The following RNF175 variants were observed in gnomAD, a reference collection of about 807,000 sequenced individuals.
RNF175 encodes ring finger protein 175.
Under a neutral mutation model 50.0 loss-of-function variants are expected in RNF175, and 38 were observed. The ratio of observed to expected loss-of-function variants is 0.76; its 90% CI spans 0.59 to 1.00. The LOEUF (loss-of-function observed/expected upper bound fraction) is 1.00. Ranked by LOEUF, RNF175 falls within the 50% of genes least tolerant of loss-of-function variation. The pLI is 0.00. For synonymous variants in RNF175, 155 were observed against 146.1 expected, an observed-to-expected ratio of 1.06 and a Z score of -0.44; for missense variants, 388 against 409.6, an observed-to-expected ratio of 0.95 and a Z score of 0.46.
chr4:153,722,322 T>C (rs1738388562), intron 5 of RNF175, among the ~76,000 whole-genome samples: 1 of 152,216 alleles, frequency 6.6e-6, no homozygotes, highest in Non-Finnish European at 1.5e-5. Context: ...ACTTCCTTTA[T>C]CTCTCCCTAG....
chr4:153,739,547 G>A (rs994247033), intron 3 of RNF175, among the ~76,000 whole-genome samples: 7 of 152,074 alleles, frequency 4.6e-5, no homozygotes, highest in Non-Finnish European at 7.4e-5. Flanking sequence ...TCTTTCTGAA[G>A]AACTTTTAAA....
At position 153,733,599 on chromosome 4, in the gene RNF175, A is replaced by C. The variant is rs963903616; in HGVS notation, c.247-5238T>G. On this transcript the variant is annotated intron_variant, in intron 3 of 8. Transcript: ENST00000347063. ...ACAGACTCTGCTCATTTCCAAAGTT[A>C]CTTAAAGAGGGGGCGATACTTTTCC... is the stretch of plus-strand genomic sequence containing the variant. Among the ~76,000 whole-genome samples, 7 of 152,140 alleles carry C rather than the reference A, an allele frequency of 4.6e-5. No homozygotes were observed. In the East Asian group the frequency reaches 9.6e-4, roughly 21 times the overall value.
chr4:153,712,617 C>T, intron 7 of RNF175, 41 bp from the exon 8 acceptor site: 1 of 1,309,054 alleles, frequency 7.6e-7, no homozygotes, highest in Non-Finnish European at 1.1e-6. Flanking sequence ...TATGAAAAGG[C>T]AATGTCTGGT....
chr4:153,718,227 TTTGTTTGTTTG>T (rs1392051018), intron 6 of RNF175, among the ~76,000 whole-genome samples: 264 of 11,420 alleles, frequency 0.023, 25 homozygotes, highest in South Asian at 0.16. Flanking sequence ...TGTTTGTTTG[TTTGTTTGTTTG>T]TTTTTTTTTT....
rs781570296 is a variant in RNF175, at chr4:153,723,448, T to A, written c.412A>T (p.Lys138Ter). Residue 138 changes from lysine (K) to a stop codon, truncating the protein, a stop_gained, in exon 5 of 9, where the codon AAA (lysine) becomes TAA (stop). Coordinates refer to ENST00000347063, the MANE Select transcript of RNF175 (RefSeq NM_173662.4). LOFTEE classifies it high-confidence loss of function. ...AGTTTGTAGATCAAAAGAAACCATT[T>A]GTAGACCAATCTGTGGAGTGAAAAA... ...LSGRTPRLVY[K>*]WFLLIYKLSY... 83 of 1,565,676 alleles carry A rather than the reference T, an allele frequency of 5.3e-5. No individual in the cohort carries two copies. The highest frequency in any genetic ancestry group is 7.2e-5 in the Non-Finnish European group (82 of 1,137,450).
In RNF175 at chr4:153,759,805, G is replaced by T; in HGVS notation, c.58C>A (p.Gln20Lys). Residue 20 changes from glutamine to lysine, a missense_variant, in exon 1 of 9, where the codon CAG becomes AAG. By Grantham distance (53) the Gln-to-Lys change is moderately conservative. Coordinates refer to ENST00000347063, the MANE Select transcript of RNF175 (RefSeq NM_173662.4). ...CGCCCCCGCGCCAGTACCTGCTCCT[G>T]CTGCGGGGGGGCCTCCAGCACCGGC... ...AAPVLEAPPQ[Q>K]EQLSHTKLSA... 1 of 1,478,680 alleles carries T rather than the reference G, an allele frequency of 6.8e-7. No homozygotes were observed. Among genetic ancestry groups the T allele is most frequent in the Admixed American group, 2.3e-5 (1 of 42,888 alleles). The allele number at this position is 1,478,680 out of a possible 1,614,324, so 91.6% of individuals were successfully genotyped here. A position where few individuals can be genotyped will look rare whatever the true frequency, so the allele number is the denominator to read the frequency against.
intron 8 of RNF175, among the ~76,000 whole-genome samples, chr4:153,711,605 G>T (rs1370549753): frequency 6.6e-6 from 1 of 152,204 alleles, no homozygotes; most frequent in Non-Finnish European, 1.5e-5. Context: ...TACTTAGAAA[G>T]TACAGAAAGG....
chr4:153,717,952 C>T (rs774974727), intron 6 of RNF175, among the ~76,000 whole-genome samples: 41 of 152,210 alleles, frequency 2.7e-4, no homozygotes, highest in Admixed American at 2.2e-3. Flanking sequence ...ATATATCCAC[C>T]GTTATCGTAT....
At chr4:153,718,222 G>C (rs895178711) in intron 6 of RNF175, among the ~76,000 whole-genome samples, 1 of 37,540 alleles carries the variant, frequency 2.7e-5, no homozygotes, top group Non-Finnish European at 7.1e-5. Flanking sequence ...TTTTTTGTTT[G>C]TTTGTTTGTT....
chr4:153,738,947 C>A (rs145850218), intron 3 of RNF175, among the ~76,000 whole-genome samples: 1 of 152,132 alleles, frequency 6.6e-6, no homozygotes, highest in African/African-American at 2.4e-5. Context: ...AATCCAAGTC[C>A]GTTCTCAAAT....
chr4:153,721,276 A>G (rs1738323997), intron 5 of RNF175: 1 of 152,210 alleles, frequency 6.6e-6, no homozygotes, highest in Non-Finnish European at 1.5e-5. Context: ...AATCTCAAAT[A>G]TCAGTGGTGA....
At chr4:153,717,467 A>G (rs1172383011) in intron 6 of RNF175, among the ~76,000 whole-genome samples, 1 of 151,950 alleles carries the variant, frequency 6.6e-6, no homozygotes, top group Non-Finnish European at 1.5e-5. Context: ...TGCCCCTAGG[A>G]CCTCTTAGCT....
chr4:153,736,937 G>A (rs1034158352), intron 3 of RNF175, among the ~76,000 whole-genome samples: 2 of 152,128 alleles, frequency 1.3e-5, no homozygotes, highest in Non-Finnish European at 1.5e-5. Flanking sequence ...ATAGCTCACT[G>A]TACCTCCAAC....
In RNF175 at chr4:153,729,106, C is replaced by T. The variant is rs138830440; in HGVS notation, c.247-745G>A. ...TTACCATAGCTATACTCCTACTCCT[C>T]GAAGCAGGCCTAGTACCAGCTAGTC... is the stretch of plus-strand genomic sequence containing the variant. On this transcript the variant is annotated intron_variant, in intron 3 of 8. Transcript: ENST00000347063. Among the ~76,000 whole-genome samples the T allele has an allele frequency of 2.7e-3, 416 of 152,322 alleles. 1 individual carries two copies. Among genetic ancestry groups the T allele is most frequent in the Middle Eastern group, 0.017 (5 of 294 alleles).
intron 8 of RNF175, among the ~76,000 whole-genome samples, chr4:153,710,819 C>A (rs903090931): frequency 2.0e-5 from 3 of 152,132 alleles, no homozygotes; most frequent in Non-Finnish European, 4.4e-5. Flanking sequence ...GGAAACTGCT[C>A]TAAATGAGCA....
At chr4:153,736,328 T>C (rs1379840667) in intron 3 of RNF175, among the ~76,000 whole-genome samples, 1 of 152,252 alleles carries the variant, frequency 6.6e-6, no homozygotes, top group African/African-American at 2.4e-5. Flanking sequence ...GATTGTGGTG[T>C]ATAATTCATT....
At chr4:153,726,104 T>G (rs1203317826) in intron 4 of RNF175, among the ~76,000 whole-genome samples, 1 of 151,720 alleles carries the variant, frequency 6.6e-6, no homozygotes, top group East Asian at 1.9e-4. Flanking sequence ...TGTGTTTTGT[T>G]TTTGTTTTGT....
At chr4:153,744,521 G>T (rs961314111) in intron 3 of RNF175, among the ~76,000 whole-genome samples, 1 of 152,048 alleles carries the variant, frequency 6.6e-6, no homozygotes, top group Non-Finnish European at 1.5e-5. Context: ...CAAGGTCGGG[G>T]GCTTCCTATG....
Position 153,748,644 on chromosome 4 carries a change from C to T in RNF175, c.246+1G>A, listed in dbSNP as rs1335296421. 2 of 1,584,786 alleles carry T rather than the reference C, an allele frequency of 1.3e-6. No individual in the cohort carries two copies. The highest frequency in any genetic ancestry group is 8.6e-7 in the Non-Finnish European group (1 of 1,164,820). On this transcript the variant is annotated splice_donor_variant, in intron 3 of 8. Transcript: ENST00000347063. LOFTEE classifies it high-confidence loss of function. ...TCCCAGCAGCCACGGGGATGACTCACATTGTAGGATCGGCCATGCCTCTGT... is the reference window on the plus strand; with the variant it reads ...TCCCAGCAGCCACGGGGATGACTCATATTGTAGGATCGGCCATGCCTCTGT...
Sources: allele counts gnomAD v4.1 joint callset (sites outside exome capture counted in the v4.1 genomes callset), GRCh38; gene constraint gnomAD v4.1.1; transcripts MANE v1.5; gene names NCBI Gene and HGNC (gene_info 2026-07-23, HGNC 2026-07-21).